The following SAMD12 variants were observed in gnomAD, a reference collection of about 807,000 sequenced individuals.
SAMD12 encodes sterile alpha motif domain containing 12.
Under a neutral mutation model 15.0 loss-of-function variants are expected in SAMD12, and 9 were observed. The ratio of observed to expected loss-of-function variants is 0.60; its 90% CI spans 0.36 to 1.05. The LOEUF (loss-of-function observed/expected upper bound fraction) is 1.05. Among genes scored for constraint, SAMD12 ranks in the 50% least tolerant of loss-of-function variants. SAMD12 has a pLI of 0.01. For missense variants in SAMD12, 230 were observed against 234.2 expected (o/e 0.98, Z 0.12); for synonymous variants, 86 against 90.1 (o/e 0.96, Z 0.25).
At chr8:118,248,228 T>A (rs1465052688) in intron 4 of SAMD12, among the ~76,000 whole-genome samples, 1 of 152,178 alleles carries the variant, frequency 6.6e-6, no homozygotes, top group Non-Finnish European at 1.5e-5. Flanking sequence ...AAATAATTAA[T>A]CATTTTCTTA....
intron 1 of SAMD12, among the ~76,000 whole-genome samples, chr8:118,599,670 T>A (rs1827810391): frequency 6.6e-6 from 1 of 152,198 alleles, no homozygotes; most frequent in African/African-American, 2.4e-5. Context: ...AGGGCTACAG[T>A]GTGGGAACTG....
chr8:118,163,459 T>C, the SAMD12 span, among the ~76,000 whole-genome samples: 3 of 152,162 alleles, frequency 2.0e-5, no homozygotes, highest in Non-Finnish European at 4.4e-5. Flanking sequence ...GGATTGTAGA[T>C]AAAAGCCACG....
chr8:118,581,618 A>C (rs2131260352), intron 1 of SAMD12, among the ~76,000 whole-genome samples: 1 of 152,318 alleles, frequency 6.6e-6, no homozygotes. Context: ...CCACAAATAA[A>C]ACCTAAAGCT....
intron 4 of SAMD12, among the ~76,000 whole-genome samples, chr8:118,331,127 G>A (rs1816787123): frequency 6.6e-6 from 1 of 152,124 alleles, no homozygotes; most frequent in Non-Finnish European, 1.5e-5. Context: ...ATCTGGTTTA[G>A]TAACTCAAAA....
intron 2 of SAMD12, among the ~76,000 whole-genome samples, chr8:118,447,038 G>C (rs1241945484): frequency 6.6e-6 from 1 of 152,048 alleles, no homozygotes; most frequent in East Asian, 1.9e-4. Flanking sequence ...TCATATCATA[G>C]AAACTCTATG....
chr8:118,360,925 G>C (rs1818467264), intron 4 of SAMD12, among the ~76,000 whole-genome samples: 1 of 152,158 alleles, frequency 6.6e-6, no homozygotes, highest in African/African-American at 2.4e-5. Context: ...ATCTCAAAAT[G>C]AAACCTGATC....
At chr8:118,579,915 G>A (rs1343998369) in intron 2 of SAMD12, among the ~76,000 whole-genome samples, 4 of 152,140 alleles carry the variant, frequency 2.6e-5, no homozygotes, top group African/African-American at 7.2e-5. Flanking sequence ...TCCAGATAGT[G>A]CCAGTCCCAT....
chr8:118,447,998 G>A (rs1044352011), intron 2 of SAMD12, among the ~76,000 whole-genome samples: 3 of 152,058 alleles, frequency 2.0e-5, no homozygotes, highest in African/African-American at 7.2e-5. Flanking sequence ...AAAGTGCTGG[G>A]ATTACAGGCG....
intron 2 of SAMD12, among the ~76,000 whole-genome samples, chr8:118,456,179 T>C (rs1233108463): frequency 6.6e-6 from 1 of 152,252 alleles, no homozygotes; most frequent in African/African-American, 2.4e-5. Context: ...AGTCCTGTTC[T>C]TTCTGTTCCT....
intron 3 of SAMD12, among the ~76,000 whole-genome samples, chr8:118,399,226 G>A (rs1820749751): frequency 6.7e-6 from 1 of 150,168 alleles, no homozygotes; most frequent in African/African-American, 2.5e-5. Flanking sequence ...ATAAATGACT[G>A]TGGAAGGGTG....
intron 4 of SAMD12, among the ~76,000 whole-genome samples, chr8:118,206,856 C>T (rs1819876286): frequency 1.3e-5 from 2 of 152,206 alleles, no homozygotes; most frequent in Admixed American, 1.3e-4. Flanking sequence ...TCTGTAAGCA[C>T]TACTGCTGTG....
chr8:118,165,742 CTTA>C, the SAMD12 span, among the ~76,000 whole-genome samples: 109 of 151,296 alleles, frequency 7.2e-4, no homozygotes, highest in African/African-American at 2.4e-3. Flanking sequence ...TTTAAATTTA[CTTA>C]TTATAATCCT....
Position 118,379,586 on chromosome 8 carries a change from ACTT to A in SAMD12, c.434_436del (p.Glu145del), listed in dbSNP as rs764641960. On this transcript the variant is annotated inframe_deletion, in exon 4 of 4. Transcript: ENST00000314727. ...TTGTGTGAGTAACTGTAGATTTCTGACTTCTTCTCGCACCTTCAGCTGGAGCAC... is the reference window on the plus strand; with the variant it reads ...TTGTGTGAGTAACTGTAGATTTCTGACTTCTCGCACCTTCAGCTGGAGCAC... The A allele has an allele frequency of 5.0e-6, 8 of 1,613,888 alleles. No individual in the cohort carries two copies. Among genetic ancestry groups the A allele is most frequent in the Non-Finnish European group, 4.2e-6 (5 of 1,179,904 alleles).
At chr8:118,137,272 A>G in the SAMD12 span, among the ~76,000 whole-genome samples, 1 of 152,178 alleles carries the variant, frequency 6.6e-6, no homozygotes, top group Non-Finnish European at 1.5e-5. Context: ...TTATGCTTCT[A>G]TGCAAAGGAA....
chr8:118,285,376 G>T (rs528834716), intron 4 of SAMD12, among the ~76,000 whole-genome samples: 1 of 152,210 alleles, frequency 6.6e-6, no homozygotes, highest in East Asian at 1.9e-4. Flanking sequence ...TAAGAAATAG[G>T]TAAACAGAAA....
chr8:118,318,101 G>A (rs1816011313), intron 4 of SAMD12, among the ~76,000 whole-genome samples: 1 of 151,734 alleles, frequency 6.6e-6, no homozygotes, highest in Non-Finnish European at 1.5e-5. Flanking sequence ...CTGCTGGTGC[G>A]AATGTAATTT....
At chr8:118,229,486 G>C (rs113697965) in intron 4 of SAMD12, among the ~76,000 whole-genome samples, 1 of 151,982 alleles carries the variant, frequency 6.6e-6, no homozygotes. Flanking sequence ...TAACTAATGC[G>C]CACTTTGTTT....
chr8:118,456,421 T>C (rs952221648), intron 2 of SAMD12, among the ~76,000 whole-genome samples: 1 of 152,202 alleles, frequency 6.6e-6, no homozygotes, highest in Non-Finnish European at 1.5e-5. Flanking sequence ...ACCTATTTAC[T>C]ACAACATTCT....
At chr8:118,422,813 T>C (rs1181585892) in intron 3 of SAMD12, among the ~76,000 whole-genome samples, 1 of 152,150 alleles carries the variant, frequency 6.6e-6, no homozygotes, top group Non-Finnish European at 1.5e-5. Context: ...GGATGCAGCA[T>C]GTCTTCAAAC....
Sources: gnomAD v4.1 joint callset for allele counts (sites outside exome capture counted in the v4.1 genomes callset) on GRCh38, gnomAD v4.1.1 for gene constraint, MANE v1.5 for transcripts, NCBI Gene and HGNC (gene_info 2026-07-23, HGNC 2026-07-21) for gene names.